Variants in PLEKHA6 observed in about 807,000 individuals in gnomAD.
The protein encoded by PLEKHA6 is pleckstrin homology domain-containing family A member 6.
In PLEKHA6, 60 loss-of-function variants were observed where a neutral mutation model predicts 116.7. The ratio of observed to expected loss-of-function variants is 0.51; its 90% CI spans 0.42 to 0.64. The LOEUF is 0.64. PLEKHA6 is among the 30% of genes least tolerant of loss of function. PLEKHA6 has a pLI of 0.00. For synonymous variants in PLEKHA6, 489 were observed against 556.1 expected, an observed-to-expected ratio of 0.88 and a Z score of 1.70; for missense variants, 1,338 against 1,422.7, an observed-to-expected ratio of 0.94 and a Z score of 0.96.
At chr1:204,302,875 T>TTAAAGA (rs1670950214) in intron 1 of PLEKHA6, among the ~76,000 whole-genome samples, 1 of 108,668 alleles carries the variant, frequency 9.2e-6, no homozygotes, top group Admixed American at 1.1e-4. Context: ...AAACTCCATC[T>TTAAAGA]CAAAGAAAAA....
chr1:204,346,691 T>C, intron 1 of PLEKHA6: 1 of 712,356 alleles, frequency 1.4e-6, no homozygotes, highest in South Asian at 1.5e-5. Context: ...AGACTCTTTG[T>C]ATTCTCTTTC....
intron 9 of PLEKHA6, chr1:204,256,950 C>T: frequency 1.7e-6 from 1 of 585,514 alleles, no homozygotes; most frequent in Non-Finnish European, 3.0e-6. Flanking sequence ...TCCCCAACAG[C>T]TGAAGCTCAA....
At position 204,259,354 on chromosome 1, in the gene PLEKHA6, T is replaced by C; in HGVS notation, c.911A>G (p.Asn304Ser). Residue 304 changes from asparagine to serine, a missense_variant, in exon 8 of 23, where the codon AAC becomes AGC. This residue lies in a region of PLEKHA6 where 1,136 missense variants were observed against 1,163.6 expected (regional missense o/e 0.98). Coordinates refer to ENST00000272203, the MANE Select transcript of PLEKHA6 (RefSeq NM_014935.5). The surrounding 1 kb of genome is among the most constrained non-coding windows in gnomAD (Gnocchi z 4.6). Reference protein sequence around the residue: ...GHRRSFPPRTNPDKIAQRKSS... With the variant: ...GHRRSFPPRTSPDKIAQRKSS... ...CTTGCGCTGGGCAATTTTGTCAGGG[T>C]TGGTGCGTGGTGGGAAACTCCGCCG... 1 of 1,614,202 alleles carries C rather than the reference T, an allele frequency of 6.2e-7. No homozygotes were observed. The highest frequency in any genetic ancestry group is 8.5e-7 in the Non-Finnish European group (1 of 1,180,040).
intron 1 of PLEKHA6, among the ~76,000 whole-genome samples, chr1:204,288,342 T>C (rs570608950): frequency 2.6e-5 from 4 of 152,182 alleles, no homozygotes; most frequent in Non-Finnish European, 5.9e-5. Context: ...AACTCCCACC[T>C]TGATGCCATC....
At chr1:204,352,030 C>T (rs1364697428) in intron 1 of PLEKHA6, among the ~76,000 whole-genome samples, 1 of 151,710 alleles carries the variant, frequency 6.6e-6, no homozygotes, top group Non-Finnish European at 1.5e-5. Flanking sequence ...GCCGAGATCT[C>T]GCCACTGCAC....
At chr1:204,347,085 G>A (rs180693497) in intron 1 of PLEKHA6, 282 of 1,329,548 alleles carry the variant, frequency 2.1e-4, no homozygotes, top group Non-Finnish European at 2.7e-4. Context: ...CAGTTTTGCC[G>A]TGGTAACGCG....
intron 1 of PLEKHA6, among the ~76,000 whole-genome samples, chr1:204,291,884 T>A (rs932230083): frequency 2.6e-5 from 4 of 152,220 alleles, no homozygotes; most frequent in African/African-American, 9.7e-5. Flanking sequence ...AATTTTACCC[T>A]TTAAATATAT....
intron 1 of PLEKHA6, chr1:204,317,154 T>C: frequency 1.6e-6 from 1 of 634,734 alleles, no homozygotes. Flanking sequence ...ACTTGGTAAA[T>C]ATAAAAATGT....
At chr1:204,307,825 T>G in intron 1 of PLEKHA6, 1 of 981,262 alleles carries the variant, frequency 1.0e-6, no homozygotes, top group Non-Finnish European at 1.2e-6. Context: ...TGCTCTCCAC[T>G]GTCTCTCCCA....
rs1314515941 is a variant in PLEKHA6 at position 204,221,556 on chromosome 1, C to T, written c.*1232G>A. 1.3e-5 allele frequency: 2 copies of T among 152,622 alleles called. No individual in the cohort carries two copies. Among genetic ancestry groups the T allele is most frequent in the Non-Finnish European group, 2.9e-5 (2 of 68,044 alleles). The allele number at this position is 152,622 out of a possible 1,614,324, so 9.5% of individuals were successfully genotyped here. On this transcript the variant is annotated 3_prime_UTR_variant, in exon 23 of 23. Coordinates refer to ENST00000272203, the MANE Select transcript of PLEKHA6 (RefSeq NM_014935.5). ...GGATGCCTGGGATAGGGGGATAGGC[C>T]TCCCAGATTAAGGCCTCATCCCCCC...
At chr1:204,349,932 G>A (rs1673220215) in intron 1 of PLEKHA6, among the ~76,000 whole-genome samples, 1 of 152,244 alleles carries the variant, frequency 6.6e-6, no homozygotes, top group Non-Finnish European at 1.5e-5. Flanking sequence ...AGACAAGACT[G>A]CAATATGACA....
In PLEKHA6 at chr1:204,223,543, G is replaced by A. The variant is rs748542418; in HGVS notation, c.3074C>T (p.Pro1025Leu). 24 of 1,548,774 alleles carry A rather than the reference G, an allele frequency of 1.5e-5. No individual in the cohort carries two copies. The highest frequency in any genetic ancestry group is 1.7e-4 in the Middle Eastern group (1 of 5,834). The change falls in exon 22 of 23, where the codon CCG (proline) becomes CTG (leucine). Residue 1025 changes from proline to leucine, a missense_variant. By Grantham distance (98) the Pro-to-Leu change is moderately conservative (BLOSUM62 -3). Transcript: ENST00000272203. The surrounding 1 kb of genome is among the most constrained non-coding windows in gnomAD (Gnocchi z 4.8). ...TPSPPTSPAS[P>L]APPANPLSSE... Reference sequence around the variant, plus strand: ...CGACAGGGGGTTTGCTGGAGGAGCCGGGGAAGCAGGGGAGGTGGGAGGGCT... The same window carrying A: ...CGACAGGGGGTTTGCTGGAGGAGCCAGGGAAGCAGGGGAGGTGGGAGGGCT...
At chr1:204,247,027 TCAGGAGG>T (rs2102618576) in intron 13 of PLEKHA6, among the ~76,000 whole-genome samples, 1 of 152,168 alleles carries the variant, frequency 6.6e-6, no homozygotes, top group East Asian at 1.9e-4. Flanking sequence ...TCCCAGCTAC[TCAGGAGG>T]CTGAGGTGGG....
chr1:204,224,671 G>A (rs1660088486), intron 21 of PLEKHA6, among the ~76,000 whole-genome samples: 1 of 152,286 alleles, frequency 6.6e-6, no homozygotes, highest in East Asian at 1.9e-4. Context: ...CATGGGATCT[G>A]GCAAGTCCAT....
At chr1:204,241,574 G>A (rs1460548416) in intron 16 of PLEKHA6, 93 bp from the exon 17 acceptor site, 27 of 1,421,422 alleles carry the variant, frequency 1.9e-5, no homozygotes, top group East Asian at 4.6e-5. Flanking sequence ...ACTCTCCACC[G>A]AGATTAAAAA....
chr1:204,284,704 G>C (rs760709027), intron 1 of PLEKHA6, among the ~76,000 whole-genome samples: 3 of 152,002 alleles, frequency 2.0e-5, no homozygotes, highest in Admixed American at 6.6e-5. Context: ...GGCACATGAT[G>C]GCAAGGAATG....
At chr1:204,311,250 G>C (rs1671647029) in intron 1 of PLEKHA6, among the ~76,000 whole-genome samples, 1 of 152,216 alleles carries the variant, frequency 6.6e-6, no homozygotes, top group Admixed American at 6.5e-5. Flanking sequence ...CCAGCACTTT[G>C]GGAGGCTGAG....
At position 204,335,323 on chromosome 1, in the gene PLEKHA6, C is replaced by G. The variant is rs146722351; in HGVS notation, c.-95+24371G>C. 9.0e-3 allele frequency among the ~76,000 whole-genome samples: 1,362 copies of G among 152,138 alleles called. 22 individuals are homozygous for G. Among genetic ancestry groups the G allele is most frequent in the African/African-American group, 0.031 (1,303 of 41,512 alleles). Reference sequence around the variant, plus strand: ...AGGGGGGTGTTTAGCTTGGCCTCAGCCCAGCACTGCAGACAACTCCTCTCA... The same window carrying G: ...AGGGGGGTGTTTAGCTTGGCCTCAGGCCAGCACTGCAGACAACTCCTCTCA... On this transcript the variant is annotated intron_variant, in intron 1 of 22. Coordinates refer to ENST00000272203, the MANE Select transcript of PLEKHA6 (RefSeq NM_014935.5).
chr1:204,355,542 G>T (rs1356593603), intron 1 of PLEKHA6, among the ~76,000 whole-genome samples: 2 of 152,088 alleles, frequency 1.3e-5, no homozygotes, highest in African/African-American at 4.8e-5. Flanking sequence ...TGGGTTCAAT[G>T]GATTCTCCTG....
Sources: gnomAD v4.1 joint callset for allele counts (sites outside exome capture counted in the v4.1 genomes callset) on GRCh38, gnomAD v4.1.1 for gene constraint, gnomAD v4.1.1 regional missense constraint, Gnocchi (gnomAD v3.1) non-coding constraint, MANE v1.5 for transcripts, NCBI Gene and HGNC (gene_info 2026-07-23, HGNC 2026-07-21) for gene names.